Variants in PAPPA2 observed in about 807,000 individuals in gnomAD.
PAPPA2 encodes pappalysin 2.
PAPPA2 carries 86 observed loss-of-function variants against 176.4 expected under a neutral mutation model. The observed-to-expected ratio is 0.49, with a 90% confidence interval of 0.41 to 0.58. PAPPA2 has a LOEUF of 0.58. PAPPA2 is among the 20% of genes least tolerant of loss of function. PAPPA2 has a pLI of 0.00. For synonymous variants in PAPPA2, 809 were observed against 852.2 expected (o/e 0.95, Z 0.88); for missense variants, 2,073 against 2,256.9 (o/e 0.92, Z 1.65).
chr1:176,802,694 T>C (rs995888083), intron 21 of PAPPA2, among the ~76,000 whole-genome samples: 13 of 152,180 alleles, frequency 8.5e-5, no homozygotes, highest in African/African-American at 3.1e-4. Context: ...TTTAGCCTTG[T>C]AAGGGTGGAG....
chr1:176,631,858 G>C (rs1656357436), intron 3 of PAPPA2, among the ~76,000 whole-genome samples: 1 of 152,174 alleles, frequency 6.6e-6, no homozygotes, highest in Non-Finnish European at 1.5e-5. Flanking sequence ...CATATGGAAA[G>C]AGCCAGGAGA....
intron 1 of PAPPA2, among the ~76,000 whole-genome samples, chr1:176,505,399 T>G (rs1327905312): frequency 6.6e-6 from 1 of 152,032 alleles, no homozygotes; most frequent in Non-Finnish European, 1.5e-5. Flanking sequence ...ACAAAGTACA[T>G]GAGACAACTG....
At chr1:176,663,955 T>C (rs1658486439) in intron 3 of PAPPA2, among the ~76,000 whole-genome samples, 1 of 152,188 alleles carries the variant, frequency 6.6e-6, no homozygotes, top group Admixed American at 6.5e-5. Flanking sequence ...TCTCTTGATA[T>C]GGTGGGTAAA....
intron 2 of PAPPA2, among the ~76,000 whole-genome samples, chr1:176,561,964 A>G (rs1201515580): frequency 6.6e-6 from 1 of 152,122 alleles, no homozygotes; most frequent in Non-Finnish European, 1.5e-5. Context: ...CCATTTATAA[A>G]ACCATGAGAT....
chr1:176,710,519 C>G (rs1039207642), intron 11 of PAPPA2, among the ~76,000 whole-genome samples: 11 of 151,482 alleles, frequency 7.3e-5, no homozygotes, highest in African/African-American at 2.7e-4. Flanking sequence ...TTGAAGAAAC[C>G]CTTGATATAA....
intron 9 of PAPPA2, among the ~76,000 whole-genome samples, chr1:176,703,111 T>G (rs1185855051): frequency 6.6e-6 from 1 of 152,160 alleles, no homozygotes; most frequent in Non-Finnish European, 1.5e-5. Flanking sequence ...AGGTTACTCA[T>G]CAAATGATGC....
chr1:176,810,388 A>G (rs146602078), intron 21 of PAPPA2, among the ~76,000 whole-genome samples: 1 of 152,246 alleles, frequency 6.6e-6, no homozygotes, highest in Non-Finnish European at 1.5e-5. Flanking sequence ...CAATTTTTCC[A>G]TGGACAGTGT....
intron 3 of PAPPA2, among the ~76,000 whole-genome samples, chr1:176,643,419 G>GTT (rs74263831): frequency 3.4e-4 from 48 of 141,560 alleles, no homozygotes; most frequent in African/African-American, 1.1e-3. Flanking sequence ...TTCTTCTTCT[G>GTT]TTTTTTTTTT....
chr1:176,532,656 A>C (rs1210240925), intron 1 of PAPPA2, among the ~76,000 whole-genome samples: 1 of 152,190 alleles, frequency 6.6e-6, no homozygotes, highest in East Asian at 1.9e-4. Context: ...CTGTCCCCAC[A>C]TGGTGTGGGT....
At chr1:176,780,031 C>T (rs935647382) in intron 17 of PAPPA2, among the ~76,000 whole-genome samples, 2 of 152,162 alleles carry the variant, frequency 1.3e-5, no homozygotes, top group Non-Finnish European at 2.9e-5. Flanking sequence ...TTAGGTATAC[C>T]ACAACTTTTT....
At chr1:176,787,090 A>C (rs1447381314) in intron 17 of PAPPA2, among the ~76,000 whole-genome samples, 1 of 152,222 alleles carries the variant, frequency 6.6e-6, no homozygotes, top group East Asian at 1.9e-4. Flanking sequence ...GGAAAGAAAA[A>C]AAAAGTGCTG....
At chr1:176,611,658 G>A (rs1238624780) in intron 3 of PAPPA2, among the ~76,000 whole-genome samples, 3 of 152,184 alleles carry the variant, frequency 2.0e-5, no homozygotes, top group African/African-American at 7.2e-5. Flanking sequence ...TAATGGAGAT[G>A]TCCTATGCAG....
chr1:176,601,640 C>A (rs887524693), intron 3 of PAPPA2, among the ~76,000 whole-genome samples: 5 of 152,220 alleles, frequency 3.3e-5, no homozygotes, highest in African/African-American at 1.2e-4. Flanking sequence ...TACATAGTAG[C>A]TGCCCTGAGA....
chr1:176,671,703 C>A (rs1215078115), intron 4 of PAPPA2, among the ~76,000 whole-genome samples: 1 of 151,992 alleles, frequency 6.6e-6, no homozygotes, highest in Non-Finnish European at 1.5e-5. Context: ...AAGTGTGGCA[C>A]ATATACACCA....
chr1:176,640,115 T>A (rs968887464), intron 3 of PAPPA2, among the ~76,000 whole-genome samples: 1 of 151,446 alleles, frequency 6.6e-6, no homozygotes, highest in African/African-American at 2.4e-5. Flanking sequence ...CCCCAGGAAT[T>A]TATTTATCTA....
At chr1:176,586,246 A>C (rs1345465947) in intron 2 of PAPPA2, among the ~76,000 whole-genome samples, 1 of 152,154 alleles carries the variant, frequency 6.6e-6, no homozygotes, top group Non-Finnish European at 1.5e-5. Context: ...CTTTGATAAA[A>C]ATTATTCAAA....
At chr1:176,601,337 T>G (rs748622773) in intron 3 of PAPPA2, among the ~76,000 whole-genome samples, 7 of 152,168 alleles carry the variant, frequency 4.6e-5, no homozygotes, top group African/African-American at 1.2e-4. Flanking sequence ...TGTATTCTGC[T>G]ATGGCAGCAC....
intron 21 of PAPPA2, among the ~76,000 whole-genome samples, chr1:176,832,855 A>G (rs1667129835): frequency 6.6e-6 from 1 of 151,838 alleles, no homozygotes; most frequent in Non-Finnish European, 1.5e-5. Flanking sequence ...GTCCTATTTG[A>G]TTATTTCTAA....
intron 1 of PAPPA2, among the ~76,000 whole-genome samples, chr1:176,540,258 G>A (rs1473421867): frequency 6.6e-6 from 1 of 152,180 alleles, no homozygotes; most frequent in Non-Finnish European, 1.5e-5. Flanking sequence ...GTATTTTGGA[G>A]GCTTGAATAA....
Sources: allele counts gnomAD v4.1 joint callset (sites outside exome capture counted in the v4.1 genomes callset), GRCh38; gene constraint gnomAD v4.1.1; transcripts MANE v1.5; gene names NCBI Gene and HGNC (gene_info 2026-07-23, HGNC 2026-07-21).